Variants in RIMKLB observed in about 807,000 individuals in gnomAD.
The protein encoded by RIMKLB is beta-citrylglutamate synthase B.
Under a neutral mutation model 32.0 loss-of-function variants are expected in RIMKLB, and 7 were observed. The ratio of observed to expected loss-of-function variants is 0.22; its 90% confidence interval spans 0.12 to 0.41. The LOEUF is 0.41. Ranked by LOEUF, RIMKLB falls within the 10% of genes least tolerant of loss-of-function variation. The pLI, the probability that RIMKLB is intolerant of heterozygous loss-of-function variation, is 1.00. For missense variants in RIMKLB, 289 were observed against 498.7 expected (o/e 0.58, Z 4.00); for synonymous variants, 172 against 185.1 (o/e 0.93, Z 0.57).
intron 1 of RIMKLB, among the ~76,000 whole-genome samples, chr12:8,691,542 A>G (rs1942733318): frequency 6.6e-6 from 1 of 152,130 alleles, no homozygotes; most frequent in African/African-American, 2.4e-5. Flanking sequence ...CCCAGGAGGC[A>G]AAGGTTGGAG....
At chr12:8,715,767 G>A (rs1288943970) in intron 2 of RIMKLB, among the ~76,000 whole-genome samples, 6 of 152,126 alleles carry the variant, frequency 3.9e-5, no homozygotes, top group Non-Finnish European at 7.3e-5. Context: ...TAAAGGATGA[G>A]GTCAACATTA....
At chr12:8,711,237 G>GAA (rs201127415) in intron 1 of RIMKLB, among the ~76,000 whole-genome samples, 5 of 143,382 alleles carry the variant, frequency 3.5e-5, no homozygotes, top group African/African-American at 1.0e-4. Context: ...CCATCTCAAG[G>GAA]AAAAAAAAAA....
chr12:8,783,053 G>C (rs915932299), exon 8 of RIMKLB: 1 of 152,146 alleles, frequency 6.6e-6, no homozygotes, highest in African/African-American at 2.4e-5. Context: ...GTTTGATTCC[G>C]TCTGTTTTCT....
At position 8,684,468 on chromosome 12, in the gene RIMKLB, C is replaced by T. The variant is rs764463030; in HGVS notation, n.219+2650C>T. Among the ~76,000 whole-genome samples the T allele has an allele frequency of 7.2e-5, 11 of 152,312 alleles. No individual in the cohort carries two copies. The South Asian group carries it at 8.3e-4, about 11-fold the overall frequency. ...GATTACAGGCATGAGCCATCACACC[C>T]GGCCTAAATTTACTCCTATGTTATC... On this transcript the variant is annotated intron_variant and non_coding_transcript_variant, in intron 1 of 1. Transcript: ENST00000538758.
At chr12:8,740,308 C>T (rs762246665) in intron 2 of RIMKLB, among the ~76,000 whole-genome samples, 19 of 152,256 alleles carry the variant, frequency 1.2e-4, no homozygotes, top group Non-Finnish European at 2.5e-4. Flanking sequence ...TTTTAGAATA[C>T]TTTTTTCCCC....
At chr12:8,716,471 T>G (rs1944848048) in intron 2 of RIMKLB, among the ~76,000 whole-genome samples, 1 of 146,996 alleles carries the variant, frequency 6.8e-6, no homozygotes, top group Non-Finnish European at 1.5e-5. Flanking sequence ...CAAGAGCCAG[T>G]ATGCTACAAA....
Position 8,773,999 on chromosome 12 carries a change from G to T in RIMKLB, c.*215G>T. The T allele has an allele frequency of 1.5e-6, 2 of 1,353,050 alleles. No homozygotes were observed. The highest frequency in any genetic ancestry group is 4.3e-5 in the South Asian group (2 of 46,212). 83.8% of individuals were successfully genotyped at this position (1,353,050 alleles called of 1,614,324 possible). A position where few individuals can be genotyped will look rare whatever the true frequency, so the allele number is the denominator to read the frequency against. ...TACAAATAGAGAGGCAGAATAGGTG[G>T]GGTATAGAAAAATGTCAGGCTCTCA... is the stretch of plus-strand genomic sequence containing the variant. On this transcript the variant is annotated 3_prime_UTR_variant, in exon 6 of 6. Coordinates refer to ENST00000535829, the MANE Select transcript of RIMKLB (RefSeq NM_001297776.2).
chr12:8,755,951 C>A (rs1446778319), intron 5 of RIMKLB, among the ~76,000 whole-genome samples: 2 of 152,126 alleles, frequency 1.3e-5, no homozygotes, highest in African/African-American at 4.8e-5. Context: ...GCCAGGAGTT[C>A]AAGACTAGCC....
chr12:8,718,339 G>A (rs913592619), intron 2 of RIMKLB, among the ~76,000 whole-genome samples: 2 of 151,962 alleles, frequency 1.3e-5, no homozygotes, highest in Non-Finnish European at 2.9e-5. Flanking sequence ...AAGGTTTGTC[G>A]ACCTCTTTTT....
At chr12:8,704,374 C>T (rs1943663686) in intron 1 of RIMKLB, among the ~76,000 whole-genome samples, 1 of 149,556 alleles carries the variant, frequency 6.7e-6, no homozygotes, top group Admixed American at 6.6e-5. Flanking sequence ...CAGAGTGAGA[C>T]CCTGTCTCAA....
At chr12:8,684,875 G>A (rs372357055) in intron 1 of RIMKLB, among the ~76,000 whole-genome samples, 5 of 152,176 alleles carry the variant, frequency 3.3e-5, no homozygotes, top group African/African-American at 1.2e-4. Context: ...TGCTCACCTC[G>A]GCCTTCCAAA....
intron 2 of RIMKLB, among the ~76,000 whole-genome samples, chr12:8,726,241 G>C (rs1263528573): frequency 6.6e-6 from 1 of 152,188 alleles, no homozygotes; most frequent in African/African-American, 2.4e-5. Context: ...TCTGGATTTT[G>C]GCCAGTAAGA....
chr12:8,767,680 T>G (rs921141172), intron 5 of RIMKLB, among the ~76,000 whole-genome samples: 7 of 152,184 alleles, frequency 4.6e-5, no homozygotes, highest in African/African-American at 1.7e-4. Flanking sequence ...ATGACAGCTT[T>G]CTGCTTCTAG....
intron 2 of RIMKLB, among the ~76,000 whole-genome samples, chr12:8,745,968 T>TA (rs1455742740): frequency 6.6e-6 from 1 of 151,884 alleles, no homozygotes; most frequent in Non-Finnish European, 1.5e-5. Context: ...GTGCTGGGAT[T>TA]ACAGGCGTGA....
intron 5 of RIMKLB, 67 bp from the exon 6 acceptor site, chr12:8,773,254 G>A: frequency 8.6e-7 from 1 of 1,159,748 alleles, no homozygotes; most frequent in Non-Finnish European, 1.3e-6. Flanking sequence ...TAGCCTTGGA[G>A]GCCAACTTTA....
intron 5 of RIMKLB, among the ~76,000 whole-genome samples, chr12:8,769,208 C>A (rs1950209948): frequency 6.6e-6 from 1 of 152,092 alleles, no homozygotes; most frequent in Non-Finnish European, 1.5e-5. Context: ...GCTACCTTTA[C>A]CATTACCCTA....
At chr12:8,718,891 T>C (rs1486971741) in intron 2 of RIMKLB, among the ~76,000 whole-genome samples, 1 of 152,176 alleles carries the variant, frequency 6.6e-6, no homozygotes, top group Non-Finnish European at 1.5e-5. Flanking sequence ...GCAAAGTCCA[T>C]AGTTTACATT....
rs746850279 is a variant in RIMKLB, at chr12:8,713,910, G to C, written c.44G>C (p.Arg15Pro). Reference protein sequence around the residue: ...VAAKLWFLTDRRIREDYPQKE... With the variant: ...VAAKLWFLTDPRIREDYPQKE... ...GCCAAGTTGTGGTTTTTGACAGATC[G>C]TCGCATCAGGGAAGACTATCCTCAA... is the stretch of plus-strand genomic sequence containing the variant. Residue 15 changes from arginine to proline, a missense_variant, in exon 2 of 6, where the codon CGT becomes CCT. This residue lies in a region of RIMKLB where 34 missense variants were observed against 35.3 expected (regional missense o/e 0.96). Transcript: ENST00000535829. 6.2e-7 allele frequency: 1 copy of C among 1,614,094 alleles called. No individual in the cohort carries two copies.
chr12:8,711,088 G>T (rs1196161281), intron 1 of RIMKLB, among the ~76,000 whole-genome samples: 1 of 151,802 alleles, frequency 6.6e-6, no homozygotes, highest in Non-Finnish European at 1.5e-5. Flanking sequence ...ACGAAAATTA[G>T]CTGGGCATGG....
Sources: gnomAD v4.1 joint callset for allele counts (sites outside exome capture counted in the v4.1 genomes callset) on GRCh38, gnomAD v4.1.1 for gene constraint, gnomAD v4.1.1 regional missense constraint, MANE v1.5 for transcripts, NCBI Gene and HGNC (gene_info 2026-07-23, HGNC 2026-07-21) for gene names.